Variants in ADCK1 observed in about 807,000 individuals in gnomAD.
ADCK1 encodes aarF domain-containing protein kinase 1.
A neutral mutation model predicts 52.3 loss-of-function variants in ADCK1; 41 were observed. The ratio of observed to expected loss-of-function variants is 0.78; its 90% CI spans 0.61 to 1.02. The LOEUF is 1.02. Ranked by LOEUF, ADCK1 falls within the 50% of genes least tolerant of loss-of-function variation. The pLI is 0.00. For synonymous variants in ADCK1, 250 were observed against 274.6 expected (o/e 0.91, Z 0.89); for missense variants, 658 against 679.5 (o/e 0.97, Z 0.35).
chr14:77,813,591 G>A (rs2081379602), intron 1 of ADCK1, among the ~76,000 whole-genome samples: 1 of 152,138 alleles, frequency 6.6e-6, no homozygotes, highest in Non-Finnish European at 1.5e-5. Flanking sequence ...TTACAGGCAT[G>A]AGCCACGTGC....
At chr14:77,886,930 A>ATG (rs2140206858) in intron 4 of ADCK1, among the ~76,000 whole-genome samples, 161 bp from the exon 5 acceptor site, 1 of 99,328 alleles carries the variant, frequency 1.0e-5, no homozygotes, top group African/African-American at 3.1e-5. Context: ...ACACACACAC[A>ATG]CACACACACA....
intron 3 of ADCK1, among the ~76,000 whole-genome samples, chr14:77,847,186 T>G (rs2082188889): frequency 6.6e-6 from 1 of 152,012 alleles, no homozygotes. Flanking sequence ...AGCTGATAAC[T>G]GTGGTTGGAG....
chr14:77,889,647 G>A (rs2083237590), intron 5 of ADCK1, among the ~76,000 whole-genome samples: 2 of 152,202 alleles, frequency 1.3e-5, no homozygotes, highest in South Asian at 4.1e-4. Flanking sequence ...TGGCAAGGGA[G>A]CCTGGGAAAT....
intron 2 of ADCK1, chr14:77,821,182 T>C (rs1443676630): frequency 6.6e-6 from 1 of 151,962 alleles, no homozygotes; most frequent in African/African-American, 2.4e-5. Context: ...ATTTGAATAG[T>C]TGGAAAGGAG....
intron 3 of ADCK1, among the ~76,000 whole-genome samples, chr14:77,855,621 T>A (rs765974246): frequency 6.6e-5 from 10 of 152,166 alleles, no homozygotes; most frequent in Non-Finnish European, 1.5e-4. Flanking sequence ...AAGATTAGCA[T>A]CTAGAAAAGA....
chr14:77,922,526 G>A (rs888246081), intron 7 of ADCK1, among the ~76,000 whole-genome samples: 2 of 152,112 alleles, frequency 1.3e-5, no homozygotes, highest in Non-Finnish European at 2.9e-5. Context: ...TGGCATTCTC[G>A]TTTACCTTCC....
chr14:77,880,058 C>A (rs2082987855), intron 4 of ADCK1, among the ~76,000 whole-genome samples: 1 of 152,228 alleles, frequency 6.6e-6, no homozygotes, highest in South Asian at 2.1e-4. Context: ...AATCACCAAG[C>A]CTTACAGCTT....
chr14:77,852,665 ATAT>A (rs2082313532), intron 3 of ADCK1, among the ~76,000 whole-genome samples: 41 of 88,858 alleles, frequency 4.6e-4, no homozygotes, highest in African/African-American at 1.6e-3. Flanking sequence ...AAATAAATAT[ATAT>A]ATATATATAT....
chr14:77,820,764 T>C (rs1299895474), intron 2 of ADCK1, among the ~76,000 whole-genome samples: 1 of 151,648 alleles, frequency 6.6e-6, no homozygotes, highest in Admixed American at 6.6e-5. Flanking sequence ...ATATTTATTA[T>C]TATTATTTTT....
chr14:77,854,353 T>C (rs2082372362), intron 3 of ADCK1, among the ~76,000 whole-genome samples: 1 of 152,198 alleles, frequency 6.6e-6, no homozygotes, highest in Non-Finnish European at 1.5e-5. Context: ...CATTTGTGTG[T>C]ATCAATGTGC....
At chr14:77,858,901 C>G (rs562667614) in intron 3 of ADCK1, among the ~76,000 whole-genome samples, 175 bp from the exon 4 acceptor site, 3 of 152,162 alleles carry the variant, frequency 2.0e-5, no homozygotes, top group African/African-American at 7.2e-5. Flanking sequence ...GCCCCGTGTA[C>G]CAGGAAGCTG....
chr14:77,828,520 C>T (rs1400935911), intron 3 of ADCK1, among the ~76,000 whole-genome samples: 1 of 152,086 alleles, frequency 6.6e-6, no homozygotes, highest in Admixed American at 6.6e-5. Flanking sequence ...TTTCCGTTCT[C>T]CCCTAGTTAT....
intron 4 of ADCK1, among the ~76,000 whole-genome samples, chr14:77,860,073 G>A (rs780802198): frequency 6.6e-6 from 1 of 152,116 alleles, no homozygotes; most frequent in Non-Finnish European, 1.5e-5. Context: ...CAGGGTGCTA[G>A]GTGCTGGGTT....
In ADCK1 at chr14:77,921,092, C is replaced by T. The variant is rs185304643; in HGVS notation, c.859-3365C>T. ...CTGTAATCCCAGCACTTTGGGAGGC[C>T]GAGGAGGGCAGATCAAGAGGTCAGG... On this transcript the variant is annotated intron_variant, in intron 7 of 10. Transcript: ENST00000238561. 4.4e-3 allele frequency among the ~76,000 whole-genome samples: 674 copies of T among 151,520 alleles called. 15 individuals are homozygous for T. The South Asian group carries it at 0.059, about 13-fold the overall frequency.
intron 5 of ADCK1, among the ~76,000 whole-genome samples, chr14:77,889,346 G>T (rs1019956863): frequency 3.9e-5 from 6 of 152,118 alleles, no homozygotes. Context: ...GGTGAATGTG[G>T]TCTCTTTCTC....
chr14:77,899,060 T>A, intron 5 of ADCK1, 40 bp from the exon 6 acceptor site: 1 of 1,611,518 alleles, frequency 6.2e-7, no homozygotes, highest in Non-Finnish European at 8.5e-7. Flanking sequence ...CCTTGGTATA[T>A]GCTGTGGGCC....
chr14:77,842,451 C>T (rs146364413), intron 3 of ADCK1, among the ~76,000 whole-genome samples: 18 of 34,490 alleles, frequency 5.2e-4, no homozygotes, highest in African/African-American at 1.2e-3. Context: ...ATTTTTTTTT[C>T]CTTCCTTCCT....
At chr14:77,849,570 A>G (rs2082241634) in intron 3 of ADCK1, among the ~76,000 whole-genome samples, 1 of 152,008 alleles carries the variant, frequency 6.6e-6, no homozygotes, top group South Asian at 2.1e-4. Context: ...CAGCCACTCA[A>G]GTAGCTGGGA....
At chr14:77,882,965 C>T (rs910663441) in intron 4 of ADCK1, among the ~76,000 whole-genome samples, 5 of 132,146 alleles carry the variant, frequency 3.8e-5, no homozygotes, top group African/African-American at 5.5e-5. Flanking sequence ...CACCCCCCCC[C>T]CCGTGCTTTT....
Sources: allele counts gnomAD v4.1 joint callset (sites outside exome capture counted in the v4.1 genomes callset), GRCh38; gene constraint gnomAD v4.1.1; transcripts MANE v1.5; gene names NCBI Gene and HGNC (gene_info 2026-07-23, HGNC 2026-07-21).